Variants in AFG1L observed in about 807,000 individuals in gnomAD.
The protein encoded by AFG1L is AFG1 like ATPase.
AFG1L carries 53 observed loss-of-function variants against 62.2 expected under a neutral mutation model. The ratio of observed to expected loss-of-function variants is 0.85; its 90% CI spans 0.68 to 1.07. The LOEUF is 1.07. AFG1L is among the 50% of genes least tolerant of loss of function. The pLI is 0.00. For synonymous variants in AFG1L, 228 were observed against 210.3 expected, an observed-to-expected ratio of 1.08 and a Z score of -0.73; for missense variants, 555 against 590.5, an observed-to-expected ratio of 0.94 and a Z score of 0.62.
At chr6:108,333,993 A>AGTTTTGTTTTT (rs1418815750) in intron 2 of AFG1L, among the ~76,000 whole-genome samples, 4 of 152,176 alleles carry the variant, frequency 2.6e-5, no homozygotes, top group East Asian at 3.9e-4. Flanking sequence ...TCAACAGGTT[A>AGTTTTGTTTTT]GTTTTGTTTT....
intron 7 of AFG1L, among the ~76,000 whole-genome samples, chr6:108,415,022 C>G (rs1198959725): frequency 1.3e-5 from 2 of 152,104 alleles, no homozygotes; most frequent in Non-Finnish European, 2.9e-5. Context: ...TTAGAAAACC[C>G]CATCGTCTCA....
intron 6 of AFG1L, among the ~76,000 whole-genome samples, chr6:108,398,193 C>T (rs1392641852): frequency 6.6e-6 from 1 of 152,174 alleles, no homozygotes; most frequent in Non-Finnish European, 1.5e-5. Flanking sequence ...TTGCATTTCT[C>T]TTATGATCAA....
chr6:108,300,070 T>C (rs1341878879), intron 1 of AFG1L, among the ~76,000 whole-genome samples: 1 of 152,232 alleles, frequency 6.6e-6, no homozygotes, highest in Non-Finnish European at 1.5e-5. Context: ...ATTATATTTT[T>C]AGGTGCCTCT....
At chr6:108,387,175 G>T (rs1780800729) in intron 6 of AFG1L, among the ~76,000 whole-genome samples, 1 of 152,214 alleles carries the variant, frequency 6.6e-6, no homozygotes, top group African/African-American at 2.4e-5. Flanking sequence ...GGCTAACATG[G>T]ATGTATTAGT....
chr6:108,483,811 A>G (rs1562188777), intron 10 of AFG1L, among the ~76,000 whole-genome samples: 1 of 152,234 alleles, frequency 6.6e-6, no homozygotes, highest in East Asian at 1.9e-4. Flanking sequence ...TCAGGAAATG[A>G]AAGCCCATCA....
intron 1 of AFG1L, chr6:108,318,332 A>G (rs932792581): frequency 2.5e-6 from 1 of 399,424 alleles, no homozygotes; most frequent in African/African-American, 2.1e-5. Context: ...ATCTAAGAGA[A>G]TGCTGGCCAT....
At chr6:108,470,431 G>T (rs1041693142) in intron 8 of AFG1L, among the ~76,000 whole-genome samples, 1 of 152,222 alleles carries the variant, frequency 6.6e-6, no homozygotes, top group Non-Finnish European at 1.5e-5. Flanking sequence ...AACCATGAGG[G>T]CTTATATAGA....
intron 10 of AFG1L, among the ~76,000 whole-genome samples, chr6:108,483,676 G>A (rs1319689147): frequency 6.6e-6 from 1 of 152,170 alleles, no homozygotes; most frequent in African/African-American, 2.4e-5. Context: ...AATAATGACA[G>A]GTGGCCAGGT....
rs184008631 is a variant in AFG1L, at chr6:108,405,252, T to C, written c.807+3198T>C. On this transcript the variant is annotated intron_variant, in intron 7 of 12. Coordinates refer to ENST00000368977, the MANE Select transcript of AFG1L (RefSeq NM_145315.5). ...GATTTTTGGTATAAGTGATTTACAA[T>C]GGAAGCTGGCATTTTCATAATTTGT... Among the ~76,000 whole-genome samples, 3 of 152,360 alleles carry C rather than the reference T, an allele frequency of 2.0e-5. No individual in the cohort carries two copies. The East Asian group carries it at 5.8e-4, about 29-fold the overall frequency.
chr6:108,516,205 G>A (rs1357793548), intron 11 of AFG1L, among the ~76,000 whole-genome samples: 2 of 151,732 alleles, frequency 1.3e-5, no homozygotes, highest in Non-Finnish European at 1.5e-5. Context: ...CAAAAAAACA[G>A]AATTTTAGAC....
intron 6 of AFG1L, among the ~76,000 whole-genome samples, chr6:108,399,673 CT>C (rs1215452077): frequency 0.013 from 1,128 of 84,858 alleles, 13 homozygotes; most frequent in African/African-American, 0.041. Context: ...AATAGTTTTC[CT>C]TTTTTTTTTT....
intron 11 of AFG1L, 42 bp downstream of exon 11, chr6:108,510,394 T>C: frequency 6.7e-7 from 1 of 1,501,430 alleles, no homozygotes; most frequent in South Asian, 1.2e-5. Flanking sequence ...ACACTTTGTA[T>C]TGTGAAGCCA....
At chr6:108,512,720 C>T (rs575118869) in intron 11 of AFG1L, among the ~76,000 whole-genome samples, 84 of 151,050 alleles carry the variant, frequency 5.6e-4, no homozygotes, top group Admixed American at 9.3e-4. Flanking sequence ...ACTTCTTAAT[C>T]GAAGGAAAAA....
Position 108,366,250 on chromosome 6 carries a change from T to A in AFG1L, c.666T>A (p.Asp222Glu). ...FDEFQVTDIA[D>E]AMILKQLFEN... ...GTCAATAGGTCACTGACATTGCTGA[T>A]GCCATGATTCTGAAACAGCTTTTTG... The change falls in exon 6 of 13, where the codon GAT becomes GAA. Residue 222 changes from aspartate (D) to glutamate (E), a missense_variant. Coordinates refer to ENST00000368977, the MANE Select transcript of AFG1L (RefSeq NM_145315.5). 3.1e-6 allele frequency: 5 copies of A among 1,608,520 alleles called. No homozygotes were observed. Among genetic ancestry groups the A allele is most frequent in the Non-Finnish European group, 4.3e-6 (5 of 1,175,720 alleles).
At chr6:108,462,439 A>G (rs1442340064) in intron 8 of AFG1L, among the ~76,000 whole-genome samples, 1 of 152,206 alleles carries the variant, frequency 6.6e-6, no homozygotes, top group Admixed American at 6.5e-5. Flanking sequence ...CCGAATCACA[A>G]AATTGTACAT....
chr6:108,519,039 G>A (rs182507275), intron 11 of AFG1L, among the ~76,000 whole-genome samples: 309 of 152,270 alleles, frequency 2.0e-3, no homozygotes, highest in African/African-American at 7.1e-3. Context: ...CCATGGTCTG[G>A]GTAATTTATA....
intron 6 of AFG1L, among the ~76,000 whole-genome samples, chr6:108,375,419 C>A (rs1758965314): frequency 6.6e-6 from 1 of 152,136 alleles, no homozygotes; most frequent in African/African-American, 2.4e-5. Flanking sequence ...AAAGGGAATG[C>A]TTCCAGTTTT....
At chr6:108,305,794 G>A (rs1034308873) in intron 1 of AFG1L, among the ~76,000 whole-genome samples, 1 of 152,196 alleles carries the variant, frequency 6.6e-6, no homozygotes, top group Non-Finnish European at 1.5e-5. Context: ...TTTATACTGT[G>A]CAGGTAAACT....
At chr6:108,299,175 C>T (rs144820279) in intron 1 of AFG1L, among the ~76,000 whole-genome samples, 2,371 of 151,768 alleles carry the variant, frequency 0.016, 28 homozygotes, top group Non-Finnish European at 0.024. Context: ...GCAGGAGAAT[C>T]GCTTGAACCC....
Sources: gnomAD v4.1 joint callset for allele counts (sites outside exome capture counted in the v4.1 genomes callset) on GRCh38, gnomAD v4.1.1 for gene constraint, MANE v1.5 for transcripts, NCBI Gene and HGNC (gene_info 2026-07-23, HGNC 2026-07-21) for gene names.